ADAMTSL3: variants seen among roughly 807,000 people sequenced by gnomAD.
ADAMTSL3 encodes ADAMTS-like protein 3.
A neutral mutation model predicts 201.7 loss-of-function variants in ADAMTSL3; 128 were observed. The ratio of observed to expected loss-of-function variants is 0.63; its 90% CI spans 0.55 to 0.73. ADAMTSL3 has a LOEUF of 0.73. ADAMTSL3 is among the 30% of genes least tolerant of loss of function. The pLI is 0.00. For synonymous variants in ADAMTSL3, 738 were observed against 748.4 expected (o/e 0.99, Z 0.23); for missense variants, 1,990 against 2,119.6 (o/e 0.94, Z 1.20).
rs188364525 is a variant in ADAMTSL3, at chr15:83,903,969, A to G, written c.1700+4238A>G. ...AGAAAAAAGAAAGAAAGAAAGAAAGAAAAGGAGCTACAGTGAGGTTCAGGC... is the reference window on the plus strand; with the variant it reads ...AGAAAAAAGAAAGAAAGAAAGAAAGGAAAGGAGCTACAGTGAGGTTCAGGC... On this transcript the variant is annotated intron_variant, in intron 15 of 29. Transcript: ENST00000286744. 6.5e-3 allele frequency among the ~76,000 whole-genome samples: 571 copies of G among 87,366 alleles called. 18 individuals are homozygous for G. Among genetic ancestry groups the G allele is most frequent in the Non-Finnish European group, 9.0e-3 (356 of 39,702 alleles). The allele number at this position is 87,366 out of a possible 152,430, so 57.3% of individuals were successfully genotyped here. A position where few individuals can be genotyped will look rare whatever the true frequency, so the allele number is the denominator to read the frequency against.
chr15:83,833,671 A>C (rs185166471), intron 6 of ADAMTSL3, among the ~76,000 whole-genome samples: 131 of 152,352 alleles, frequency 8.6e-4, no homozygotes, highest in African/African-American at 3.1e-3. Context: ...TTTGTAACTG[A>C]AAATGAGATA....
At chr15:83,822,374 C>T (rs1399636203) in intron 6 of ADAMTSL3, among the ~76,000 whole-genome samples, 8 of 146,036 alleles carry the variant, frequency 5.5e-5, no homozygotes, top group Admixed American at 1.3e-4. Flanking sequence ...GGCTGCCGGG[C>T]GGAGGGTCTC....
chr15:83,789,528 T>A (rs1291178114), intron 4 of ADAMTSL3, among the ~76,000 whole-genome samples: 1 of 152,170 alleles, frequency 6.6e-6, no homozygotes. Flanking sequence ...AAAGGAGCTA[T>A]GAGCTTAACT....
chr15:84,015,413 G>T (rs765417040), intron 24 of ADAMTSL3, among the ~76,000 whole-genome samples: 13 of 152,174 alleles, frequency 8.5e-5, no homozygotes, highest in Non-Finnish European at 1.8e-4. Context: ...AAAGAGATAG[G>T]GGGTGCCAAT....
At chr15:83,830,184 C>G (rs569661920) in intron 6 of ADAMTSL3, among the ~76,000 whole-genome samples, 1 of 152,032 alleles carries the variant, frequency 6.6e-6, no homozygotes, top group Admixed American at 6.6e-5. Context: ...ATGAGCTGGG[C>G]GTGCCTGTCA....
chr15:83,833,531 G>A (rs1379656626), intron 6 of ADAMTSL3, among the ~76,000 whole-genome samples: 1 of 152,192 alleles, frequency 6.6e-6, no homozygotes, highest in Non-Finnish European at 1.5e-5. Context: ...GACACATTCA[G>A]TCTATAGCAC....
intron 23 of ADAMTSL3, among the ~76,000 whole-genome samples, chr15:84,012,192 A>G (rs1021010680): frequency 2.0e-5 from 3 of 152,208 alleles, no homozygotes; most frequent in African/African-American, 4.8e-5. Context: ...ATACCCATAT[A>G]TTATGTCACC....
chr15:83,913,482 A>G (rs1326965604), intron 16 of ADAMTSL3, 104 bp downstream of exon 16: 2 of 1,144,352 alleles, frequency 1.7e-6, no homozygotes, highest in East Asian at 2.5e-5. Flanking sequence ...AAAAGTCTAA[A>G]GGAGGTGAAG....
intron 23 of ADAMTSL3, among the ~76,000 whole-genome samples, chr15:84,005,177 G>A (rs2067872070): frequency 6.6e-6 from 1 of 152,208 alleles, no homozygotes; most frequent in South Asian, 2.1e-4. Flanking sequence ...GACACCAGCA[G>A]CCCACACATA....
At chr15:84,027,827 CAACACCCCATAATA>C (rs747717722) in intron 27 of ADAMTSL3, among the ~76,000 whole-genome samples, 2 of 152,026 alleles carry the variant, frequency 1.3e-5, no homozygotes, top group African/African-American at 2.4e-5. Context: ...ACCCAAATAA[CAACACCCCATAATA>C]ATAAAAAAAA....
At chr15:83,711,623 A>G (rs1211895084) in intron 3 of ADAMTSL3, among the ~76,000 whole-genome samples, 1 of 152,272 alleles carries the variant, frequency 6.6e-6, no homozygotes, top group Non-Finnish European at 1.5e-5. Flanking sequence ...AAGAGAAGAC[A>G]AGAACAAATT....
intron 19 of ADAMTSL3, among the ~76,000 whole-genome samples, chr15:83,957,766 A>G (rs1305896227): frequency 6.6e-6 from 1 of 152,132 alleles, no homozygotes; most frequent in Non-Finnish European, 1.5e-5. Context: ...TAAAGGTATC[A>G]GTAAAGAATT....
chr15:83,938,866 A>AT (rs1285882325), intron 17 of ADAMTSL3, among the ~76,000 whole-genome samples: 2 of 152,202 alleles, frequency 1.3e-5, no homozygotes, highest in Middle Eastern at 3.4e-3. Context: ...TGGTATTGCT[A>AT]TTTTTTGTAA....
At chr15:83,969,184 G>T (rs983631858) in intron 19 of ADAMTSL3, among the ~76,000 whole-genome samples, 1 of 152,082 alleles carries the variant, frequency 6.6e-6, no homozygotes, top group East Asian at 1.9e-4. Context: ...GGCTTCTCAC[G>T]CCTATAATCC....
At chr15:83,917,443 G>GTATA (rs1425934181) in intron 16 of ADAMTSL3, among the ~76,000 whole-genome samples, 3 of 152,002 alleles carry the variant, frequency 2.0e-5, no homozygotes, top group African/African-American at 7.3e-5. Context: ...ATGTATGTAT[G>GTATA]TATGTATGTA....
chr15:83,929,314 T>C (rs907717741), intron 17 of ADAMTSL3, among the ~76,000 whole-genome samples: 1 of 152,096 alleles, frequency 6.6e-6, no homozygotes, highest in Non-Finnish European at 1.5e-5. Context: ...GTCCGCGGCG[T>C]TGATTCTTTC....
In ADAMTSL3 at chr15:83,885,232, C is replaced by T. The variant is rs117093355; in HGVS notation, c.1072+20C>T. ...GAGGAGGTGAGGCCCAGGCTTTGTT[C>T]ATGAATATTTAGAGCTCAGAGTTAG... On this transcript the variant is annotated intron_variant, in intron 10 of 29. Transcript: ENST00000286744. The T allele has an allele frequency of 3.2e-5, 50 of 1,558,490 alleles. No homozygotes were observed. Among genetic ancestry groups the T allele is most frequent in the Non-Finnish European group, 2.7e-5 (31 of 1,130,680 alleles).
At chr15:83,891,685 G>A (rs1440714442) in intron 12 of ADAMTSL3, among the ~76,000 whole-genome samples, 2 of 152,174 alleles carry the variant, frequency 1.3e-5, no homozygotes, top group African/African-American at 2.4e-5. Context: ...ACCGAGATGA[G>A]TAGTATGGTC....
chr15:83,665,973 T>A lies in ADAMTSL3; in HGVS notation c.69+10143T>A, dbSNP rs180685060. 8.4e-3 allele frequency among the ~76,000 whole-genome samples: 1,272 copies of A among 152,300 alleles called. 8 individuals are homozygous for A. Among genetic ancestry groups the A allele is most frequent in the Non-Finnish European group, 0.013 (895 of 68,018 alleles). ...ACTCTCTTTTGAAATTGCCTTTTTTTAAAATTTAAAAACAGCACATATTCA... is the reference window on the plus strand; with the variant it reads ...ACTCTCTTTTGAAATTGCCTTTTTTAAAAATTTAAAAACAGCACATATTCA... On this transcript the variant is annotated intron_variant, in intron 2 of 29. Transcript: ENST00000286744.
Sources: allele counts gnomAD v4.1 joint callset (sites outside exome capture counted in the v4.1 genomes callset), GRCh38; gene constraint gnomAD v4.1.1; transcripts MANE v1.5; gene names NCBI Gene and HGNC (gene_info 2026-07-23, HGNC 2026-07-21).